PTDSS1: variants seen among roughly 807,000 people sequenced by gnomAD.
PTDSS1 encodes the protein PSS-1.
A neutral mutation model predicts 70.5 loss-of-function variants in PTDSS1; 45 were observed. That is an observed-to-expected ratio of 0.64 (90% CI 0.50 to 0.82). The LOEUF is 0.82. Among genes scored for constraint, PTDSS1 ranks in the 40% least tolerant of loss-of-function variants. The pLI is 0.00. For missense variants in PTDSS1, 417 were observed against 586.1 expected, an observed-to-expected ratio of 0.71 and a Z score of 2.98; for synonymous variants, 188 against 203.8, an observed-to-expected ratio of 0.92 and a Z score of 0.66.
chr8:96,293,137 C>A (rs925642618), intron 4 of PTDSS1, among the ~76,000 whole-genome samples: 21 of 152,350 alleles, frequency 1.4e-4, no homozygotes, highest in African/African-American at 4.8e-4. Context: ...TTTTCAAGAT[C>A]TCTCTGTAGT....
rs764822720 is a variant in PTDSS1, at chr8:96,295,136, G to A, written c.480G>A (p.Arg160=). 1.3e-5 allele frequency: 21 copies of A among 1,613,892 alleles called. No homozygotes were observed. The East Asian group carries it at 3.8e-4, about 29-fold the overall frequency. ...AVNCHVITWE[R]IISHFDIFAF... ...ACTGCCATGTGATCACCTGGGAGAG[G>A]ATTATCAGCCACTTTGATATTTTTG... The change falls in exon 5 of 13, where the codon AGG becomes AGA. Residue 160 remains arginine (R), a synonymous_variant. Coordinates refer to ENST00000517309, the MANE Select transcript of PTDSS1 (RefSeq NM_014754.3).
At chr8:96,267,224 C>T (rs1810499860) in intron 1 of PTDSS1, among the ~76,000 whole-genome samples, 1 of 152,214 alleles carries the variant, frequency 6.6e-6, no homozygotes, top group Non-Finnish European at 1.5e-5. Flanking sequence ...TCCGGTCAGC[C>T]TGCACTGCTT....
At chr8:96,332,160 C>A (rs186521190) in intron 12 of PTDSS1, among the ~76,000 whole-genome samples, 2 of 151,912 alleles carry the variant, frequency 1.3e-5, no homozygotes, top group African/African-American at 4.8e-5. Flanking sequence ...AGGGAACCTC[C>A]ACTGGCCTCT....
At chr8:96,320,188 A>G (rs1048163180) in intron 9 of PTDSS1, 58 bp from the exon 10 acceptor site, 8 of 1,409,922 alleles carry the variant, frequency 5.7e-6, no homozygotes, top group Non-Finnish European at 7.0e-6. Flanking sequence ...TATTTTGGAT[A>G]AAGTGTATGC....
chr8:96,278,406 A>T (rs1393839396), intron 2 of PTDSS1, among the ~76,000 whole-genome samples: 1 of 152,220 alleles, frequency 6.6e-6, no homozygotes, highest in Non-Finnish European at 1.5e-5. Context: ...GACAATCAAC[A>T]GGGTGAGTGG....
chr8:96,299,706 C>T lies in PTDSS1; in HGVS notation c.613C>T (p.His205Tyr), dbSNP rs780067819. Residue 205 changes from histidine to tyrosine, a missense_variant, in exon 6 of 13, where the codon CAT becomes TAT. His to Tyr is a moderately conservative substitution (Grantham distance 83). Around this residue, in one of 3 missense-constraint regions of PTDSS1, gnomAD observed 272 missense variants for 429.5 expected, o/e 0.63. Transcript: ENST00000517309. ...TWELTELFFM[H>Y]LLPNFAECWW... ...TTGTGTTTCTCAGCTCTTCTTCATG[C>T]ATCTCCTCCCCAATTTTGCCGAGTG... 6.2e-7 allele frequency: 1 copy of T among 1,610,934 alleles called. No individual in the cohort carries two copies. Among genetic ancestry groups the T allele is most frequent in the Non-Finnish European group, 8.5e-7 (1 of 1,179,138 alleles).
chr8:96,319,160 C>T (rs1279417775), intron 9 of PTDSS1, among the ~76,000 whole-genome samples: 2 of 151,840 alleles, frequency 1.3e-5, no homozygotes, highest in African/African-American at 2.4e-5. Flanking sequence ...GTGATCCGCT[C>T]GCCTCAGCCT....
intron 1 of PTDSS1, among the ~76,000 whole-genome samples, chr8:96,265,734 C>T (rs1210342145): frequency 6.6e-6 from 1 of 152,188 alleles, no homozygotes; most frequent in Admixed American, 6.5e-5. Flanking sequence ...CAGCCTCCAC[C>T]CTACTCACTC....
rs564142715 is a variant in PTDSS1, at chr8:96,281,155, A to G, written c.272-2954A>G. On this transcript the variant is annotated intron_variant, in intron 2 of 12. Coordinates refer to ENST00000517309, the MANE Select transcript of PTDSS1 (RefSeq NM_014754.3). ...GCGTAAGTATCAGGACTTATAATCT[A>G]GAACATGCCAGCCTCATCCTCGATT... Among the ~76,000 whole-genome samples, 5 of 152,376 alleles carry G rather than the reference A, an allele frequency of 3.3e-5. No individual in the cohort carries two copies. In the East Asian group the frequency reaches 9.6e-4, roughly 29 times the overall value.
At chr8:96,291,452 CTTTTT>C (rs200644968) in intron 4 of PTDSS1, among the ~76,000 whole-genome samples, 1 of 123,624 alleles carries the variant, frequency 8.1e-6, no homozygotes, top group Non-Finnish European at 1.8e-5. Flanking sequence ...ATGGGCTTTT[CTTTTT>C]TTTTTTTTTT....
At chr8:96,331,922 T>G (rs1811521584) in intron 12 of PTDSS1, among the ~76,000 whole-genome samples, 1 of 148,386 alleles carries the variant, frequency 6.7e-6, no homozygotes, top group Non-Finnish European at 1.5e-5. Context: ...TGGTGGCACA[T>G]GCCTGTAGTT....
chr8:96,306,820 C>A (rs1031783094), intron 8 of PTDSS1, among the ~76,000 whole-genome samples: 1 of 152,088 alleles, frequency 6.6e-6, no homozygotes, highest in Non-Finnish European at 1.5e-5. Context: ...CTTGGACTGC[C>A]GATCTTTTTT....
intron 2 of PTDSS1, among the ~76,000 whole-genome samples, chr8:96,276,966 G>A (rs112193875): frequency 0.029 from 3,372 of 115,476 alleles, 136 homozygotes; most frequent in African/African-American, 0.1. Context: ...GCACATACAC[G>A]CGCGCACGCG....
intron 7 of PTDSS1, among the ~76,000 whole-genome samples, chr8:96,305,502 C>A (rs997475236): frequency 6.6e-6 from 1 of 152,170 alleles, no homozygotes; most frequent in Non-Finnish European, 1.5e-5. Flanking sequence ...TTGTGCTACT[C>A]ATCATGATGA....
chr8:96,310,734 G>A (rs1811198772), intron 9 of PTDSS1, among the ~76,000 whole-genome samples: 1 of 151,970 alleles, frequency 6.6e-6, no homozygotes, highest in South Asian at 2.1e-4. Context: ...CAGCAGCATG[G>A]TCACAATGGT....
rs201114343 is a variant in PTDSS1 at position 96,278,567 on chromosome 8, C to G, written c.271+5177C>G. ...CGCCTCTTCAGTTCTCCTCTTCATT[C>G]TCTTTTGGCTTCCTTACAAAAATGT... On this transcript the variant is annotated intron_variant, in intron 2 of 12. Transcript: ENST00000517309. 8.5e-5 allele frequency among the ~76,000 whole-genome samples: 13 copies of G among 152,330 alleles called. No homozygotes were observed. The East Asian group carries it at 2.5e-3, about 29-fold the overall frequency.
At chr8:96,314,333 C>T (rs886364666) in intron 9 of PTDSS1, among the ~76,000 whole-genome samples, 1 of 152,100 alleles carries the variant, frequency 6.6e-6, no homozygotes, top group Non-Finnish European at 1.5e-5. Context: ...AGGCATTGGC[C>T]ACGGCACGCA....
At chr8:96,272,870 A>G (rs931491544) in intron 1 of PTDSS1, among the ~76,000 whole-genome samples, 2 of 152,172 alleles carry the variant, frequency 1.3e-5, no homozygotes, top group Non-Finnish European at 2.9e-5. Flanking sequence ...TTCTTAAGTA[A>G]AAACTGGTGT....
chr8:96,279,026 A>T (rs1277635506), intron 2 of PTDSS1, among the ~76,000 whole-genome samples: 2 of 138,840 alleles, frequency 1.4e-5, no homozygotes, highest in Non-Finnish European at 3.0e-5. Context: ...GCTGGAGTGC[A>T]GTAGCACAAT....
Sources: gnomAD v4.1 joint callset for allele counts (sites outside exome capture counted in the v4.1 genomes callset) on GRCh38, gnomAD v4.1.1 for gene constraint, gnomAD v4.1.1 regional missense constraint, MANE v1.5 for transcripts, NCBI Gene and HGNC (gene_info 2026-07-23, HGNC 2026-07-21) for gene names.